LOXHD1: variants seen among roughly 807,000 people sequenced by gnomAD.
The protein encoded by LOXHD1 is lipoxygenase homology domain-containing protein 1.
A neutral mutation model predicts 248.2 loss-of-function variants in LOXHD1; 205 were observed. The ratio of observed to expected loss-of-function variants is 0.83; its 90% confidence interval spans 0.74 to 0.93. The LOEUF (loss-of-function observed/expected upper bound fraction) is 0.93, where lower values mean the gene tolerates loss of function less well. Among genes scored for constraint, LOXHD1 ranks in the 40% least tolerant of loss-of-function variants. The pLI is 0.00. For synonymous variants in LOXHD1, 1,113 were observed against 1,162.8 expected (o/e 0.96, Z 0.87); for missense variants, 2,930 against 2,971.6 (o/e 0.99, Z 0.33).
At chr18:46,628,668 T>C (rs1369706143) in intron 4 of LOXHD1, among the ~76,000 whole-genome samples, 1 of 152,066 alleles carries the variant, frequency 6.6e-6, no homozygotes, top group African/African-American at 2.4e-5. Flanking sequence ...CCTGTGCATC[T>C]CAGAATCAGA....
chr18:46,486,210 A>G (rs1371936466), intron 38 of LOXHD1, among the ~76,000 whole-genome samples: 1 of 152,148 alleles, frequency 6.6e-6, no homozygotes, highest in Non-Finnish European at 1.5e-5. Context: ...AAGTGTCCCC[A>G]GACATAGACC....
intron 6 of LOXHD1, among the ~76,000 whole-genome samples, chr18:46,609,087 C>G (rs766546655): frequency 6.6e-6 from 1 of 152,202 alleles, no homozygotes; most frequent in Non-Finnish European, 1.5e-5. Context: ...AGAAAACAGT[C>G]TTTATGCCCC....
At chr18:46,579,247 AG>A (rs1406291544) in intron 13 of LOXHD1, among the ~76,000 whole-genome samples, 1 of 152,180 alleles carries the variant, frequency 6.6e-6, no homozygotes, top group East Asian at 1.9e-4. Context: ...CCCTGAGGTA[AG>A]AAAGATGCTG....
At chr18:46,629,400 G>C (rs1255312930) in intron 4 of LOXHD1, among the ~76,000 whole-genome samples, 2 of 152,152 alleles carry the variant, frequency 1.3e-5, no homozygotes, top group Non-Finnish European at 2.9e-5. Flanking sequence ...CTTTGCGATG[G>C]GTGTTTTATG....
At chr18:46,638,040 T>G (rs2038914572) in intron 4 of LOXHD1, among the ~76,000 whole-genome samples, 1 of 152,154 alleles carries the variant, frequency 6.6e-6, no homozygotes, top group Admixed American at 6.5e-5. Flanking sequence ...AGTGAATAAA[T>G]GATGGTATCT....
At chr18:46,572,191 C>G in intron 14 of LOXHD1, 29 bp from the exon 15 acceptor site, 1 of 1,541,264 alleles carries the variant, frequency 6.5e-7, no homozygotes, top group Non-Finnish European at 8.8e-7. Context: ...AATGTTAGCT[C>G]TTTGGGTGGA....
intron 37 of LOXHD1, among the ~76,000 whole-genome samples, chr18:46,501,447 G>T (rs181783795): frequency 1.1e-4 from 17 of 152,244 alleles, no homozygotes; most frequent in African/African-American, 4.1e-4. Context: ...AAGCTGAAGT[G>T]CTATTTAGTG....
rs1473908452 is a variant in LOXHD1, at chr18:46,518,229, C to T, written c.5299G>A (p.Gly1767Arg). The stretch of plus-strand genomic sequence containing the variant: ...TCAGTGCCCCCGCCAACCACATCCC[C>T]TGTCCACACCGTCATTTCATAGAGA... The part of the protein sequence containing the change: ...KVLYEMTVWT[G>R]DVVGGGTDSN... The change falls in exon 34 of 41, where the codon GGG becomes AGG. Residue 1767 changes from glycine (G) to arginine (R), a missense_variant. Gly to Arg is a moderately radical substitution (Grantham distance 125). Transcript: ENST00000642948. The T allele has an allele frequency of 6.4e-7, 1 of 1,551,714 alleles. No individual in the cohort carries two copies. The highest frequency in any genetic ancestry group is 2.0e-5 in the Admixed American group (1 of 51,004).
At chr18:46,556,088 A>G (rs946407195) in intron 21 of LOXHD1, among the ~76,000 whole-genome samples, 8 of 150,624 alleles carry the variant, frequency 5.3e-5, no homozygotes, top group Admixed American at 2.0e-4. Context: ...TTCAGTGTCC[A>G]ACACTGAAAT....
chr18:46,626,175 A>C (rs2038739804), intron 4 of LOXHD1, among the ~76,000 whole-genome samples: 1 of 152,210 alleles, frequency 6.6e-6, no homozygotes, highest in Admixed American at 6.5e-5. Flanking sequence ...AAAATAGGGA[A>C]CAACCTAAAG....
rs1188100068 is a variant in LOXHD1, at chr18:46,606,295, G to A, written c.760-2066C>T. Among the ~76,000 whole-genome samples the A allele has an allele frequency of 3.9e-5, 6 of 151,934 alleles. No individual in the cohort carries two copies. The East Asian group carries it at 9.6e-4, about 24-fold the overall frequency. On this transcript the variant is annotated intron_variant, in intron 6 of 40. Transcript: ENST00000642948. ...TGTGCATAAAGATAAGGCATGAAAC[G>A]TTTGTCACAGCACTATTTATAGTAT...
intron 37 of LOXHD1, among the ~76,000 whole-genome samples, chr18:46,491,503 G>C (rs1247758725): frequency 2.0e-5 from 3 of 152,258 alleles, no homozygotes; most frequent in African/African-American, 7.2e-5. Context: ...ATCAGGACCA[G>C]AGTCAGAGAG....
At position 46,657,107 on chromosome 18, in the gene LOXHD1, T is replaced by C; in HGVS notation, c.-74A>G. ...CTCACACCTGCGGGAACCTGAGACC[T>C]CCTCCCTGAGCTCTGGCGCCCACGG... On this transcript the variant is annotated 5_prime_UTR_variant, in exon 1 of 41. Transcript: ENST00000642948. 1 of 1,549,020 alleles carries C rather than the reference T, an allele frequency of 6.5e-7. No homozygotes were observed. Among genetic ancestry groups the C allele is most frequent in the South Asian group, 1.2e-5 (1 of 83,784 alleles).
intron 37 of LOXHD1, among the ~76,000 whole-genome samples, chr18:46,492,022 A>G (rs2033518152): frequency 6.6e-6 from 1 of 152,142 alleles, no homozygotes; most frequent in Non-Finnish European, 1.5e-5. Flanking sequence ...TGCTCACTTA[A>G]TTGCCTTGTT....
intron 6 of LOXHD1, among the ~76,000 whole-genome samples, chr18:46,607,823 A>G (rs1279090467): frequency 6.6e-6 from 1 of 152,070 alleles, no homozygotes; most frequent in East Asian, 1.9e-4. Flanking sequence ...GAAGGTAGAG[A>G]ATGGAAATCC....
intron 38 of LOXHD1, among the ~76,000 whole-genome samples, chr18:46,485,981 C>T (rs2033016914): frequency 6.6e-6 from 1 of 151,976 alleles, no homozygotes; most frequent in South Asian, 2.1e-4. Flanking sequence ...CTCTCCCTCC[C>T]CCACCCATAG....
chr18:46,579,518 C>T, intron 13 of LOXHD1, 112 bp downstream of exon 13: 1 of 1,417,662 alleles, frequency 7.1e-7, no homozygotes. Context: ...CTCCTGATGG[C>T]TGAGGCCCCA....
intron 37 of LOXHD1, among the ~76,000 whole-genome samples, chr18:46,496,695 A>C (rs2033891891): frequency 6.6e-6 from 1 of 152,190 alleles, no homozygotes; most frequent in South Asian, 2.1e-4. Context: ...TATCTCAACC[A>C]CATGGGCTCA....
At chr18:46,497,794 C>T (rs928800817) in intron 37 of LOXHD1, among the ~76,000 whole-genome samples, 17 of 152,086 alleles carry the variant, frequency 1.1e-4, no homozygotes, top group Admixed American at 4.6e-4. Context: ...ACAAATATGT[C>T]GACTGTTCTG....
Sources: allele counts gnomAD v4.1 joint callset (sites outside exome capture counted in the v4.1 genomes callset), GRCh38; gene constraint gnomAD v4.1.1; transcripts MANE v1.5; gene names NCBI Gene and HGNC (gene_info 2026-07-23, HGNC 2026-07-21).